PPP2R2A: variants seen among roughly 807,000 people sequenced by gnomAD.
The protein encoded by PPP2R2A is protein phosphatase 2 regulatory subunit Balpha.
A neutral mutation model predicts 53.2 loss-of-function variants in PPP2R2A; 9 were observed. The ratio of observed to expected loss-of-function variants is 0.17; its 90% CI spans 0.10 to 0.30. The LOEUF (loss-of-function observed/expected upper bound fraction) is 0.30, where lower values mean the gene tolerates loss of function less well. Among genes scored for constraint, PPP2R2A ranks in the 10% least tolerant of loss-of-function variants. The pLI is 1.00. For synonymous variants in PPP2R2A, 169 were observed against 174.2 expected (o/e 0.97, Z 0.23); for missense variants, 235 against 534.6 (o/e 0.44, Z 5.53).
chr8:26,314,889 C>CCG (rs1802468722), intron 2 of PPP2R2A, among the ~76,000 whole-genome samples: 2 of 2,054 alleles, frequency 9.7e-4, no homozygotes, highest in Non-Finnish European at 1.9e-3. Flanking sequence ...TTTTTCCCTT[C>CCG]CCCCCCCCCC....
At chr8:26,292,032 C>CG (rs1801319599) in intron 1 of PPP2R2A, 1 of 772,924 alleles carries the variant, frequency 1.3e-6, no homozygotes, top group Non-Finnish European at 1.5e-6. Context: ...GCTTGGAGAA[C>CG]GGGGCTGGCG....
intron 3 of PPP2R2A, among the ~76,000 whole-genome samples, chr8:26,346,219 C>T (rs904804090): frequency 3.9e-5 from 6 of 152,082 alleles, no homozygotes; most frequent in African/African-American, 1.4e-4. Context: ...CAGCTCACTG[C>T]AACTTCCACC....
chr8:26,342,573 G>T (rs1803997377), intron 3 of PPP2R2A, among the ~76,000 whole-genome samples: 2 of 152,176 alleles, frequency 1.3e-5, no homozygotes, highest in Admixed American at 6.5e-5. Context: ...CTGTAAGGTA[G>T]TGTGGGTGTG....
chr8:26,322,665 T>A (rs1426812784), intron 2 of PPP2R2A, among the ~76,000 whole-genome samples: 1 of 152,134 alleles, frequency 6.6e-6, no homozygotes, highest in Admixed American at 6.5e-5. Context: ...ACTTCAGCAT[T>A]GTTTAACTCT....
chr8:26,323,921 A>G (rs1001376343), intron 2 of PPP2R2A, among the ~76,000 whole-genome samples: 1 of 152,016 alleles, frequency 6.6e-6, no homozygotes, highest in African/African-American at 2.4e-5. Flanking sequence ...CATAGGAACC[A>G]TTTCTTCCTT....
At chr8:26,314,802 T>C (rs1227593709) in intron 2 of PPP2R2A, among the ~76,000 whole-genome samples, 5 of 151,936 alleles carry the variant, frequency 3.3e-5, no homozygotes, top group Non-Finnish European at 7.4e-5. Context: ...CATTTCCTTC[T>C]GTTTTTTCCT....
At chr8:26,330,317 T>C (rs1486363854) in intron 2 of PPP2R2A, among the ~76,000 whole-genome samples, 3 of 149,678 alleles carry the variant, frequency 2.0e-5, no homozygotes, top group Non-Finnish European at 3.0e-5. Context: ...CTTTTTTTTT[T>C]TTTTTTTTTT....
At chr8:26,293,252 C>T (rs913390969) in intron 1 of PPP2R2A, 2 of 1,535,662 alleles carry the variant, frequency 1.3e-6, no homozygotes, top group Admixed American at 2.0e-5. Flanking sequence ...CAGTAATGTT[C>T]CCGAAGTTTT....
intron 1 of PPP2R2A, chr8:26,293,449 C>T (rs1398276018): frequency 7.2e-6 from 5 of 695,850 alleles, no homozygotes; most frequent in Non-Finnish European, 1.2e-5. Context: ...AGAACATGTG[C>T]CTTTAAATAT....
chr8:26,337,704 A>C (rs781124045), intron 2 of PPP2R2A, among the ~76,000 whole-genome samples: 7 of 152,190 alleles, frequency 4.6e-5, no homozygotes, highest in Non-Finnish European at 7.3e-5. Flanking sequence ...CCTGGCGTTG[A>C]GTTGTTGTCC....
In PPP2R2A at chr8:26,354,142, C is replaced by T. The variant is rs566061998; in HGVS notation, c.181-326C>T. Among the ~76,000 whole-genome samples, 1 of 152,086 alleles carries T rather than the reference C, an allele frequency of 6.6e-6. No homozygotes were observed. The highest frequency in any genetic ancestry group is 1.9e-4 in the East Asian group (1 of 5,176). On this transcript the variant is annotated intron_variant, in intron 3 of 9. Coordinates refer to ENST00000380737, the MANE Select transcript of PPP2R2A (RefSeq NM_002717.4). The surrounding 1 kb of genome is among the most constrained non-coding windows in gnomAD (Gnocchi z 4.6). Reference sequence around the variant, plus strand: ...TAGATGAACTTCCTTATTATGGGTGCTCAGTTTTTTTTCATCAGTTTTTTT... The same window carrying T: ...TAGATGAACTTCCTTATTATGGGTGTTCAGTTTTTTTTCATCAGTTTTTTT...
At chr8:26,291,911 T>TCG (rs1801314336) in intron 1 of PPP2R2A, 85 bp downstream of exon 1, 2 of 1,368,850 alleles carry the variant, frequency 1.5e-6, no homozygotes, top group African/African-American at 3.0e-5. Context: ...CGCCCGCGCC[T>TCG]CGCGCAGAGC....
At chr8:26,297,778 ATTAC>A (rs1801608578) in intron 2 of PPP2R2A, among the ~76,000 whole-genome samples, 1 of 152,196 alleles carries the variant, frequency 6.6e-6, no homozygotes, top group African/African-American at 2.4e-5. Flanking sequence ...TTTAGATATT[ATTAC>A]TTGAACCTTC....
Position 26,360,369 on chromosome 8 carries a change from T to C in PPP2R2A, c.459+88T>C, listed in dbSNP as rs1805016280. 19 of 704,068 alleles carry C rather than the reference T, an allele frequency of 2.7e-5. No homozygotes were observed. In the South Asian group the frequency reaches 3.2e-4, roughly 12 times the overall value. The allele number at this position is 704,068 out of a possible 1,614,324, so 43.6% of individuals were successfully genotyped here. A position where few individuals can be genotyped will look rare whatever the true frequency, so the allele number is the denominator to read the frequency against. On this transcript the variant is annotated intron_variant, in intron 5 of 9. Coordinates refer to ENST00000380737, the MANE Select transcript of PPP2R2A (RefSeq NM_002717.4). This position sits in a 1 kb window ranked among gnomAD's most constrained non-coding sequence, Gnocchi z 4.5. Reference sequence around the variant, plus strand: ...CTGAGCAGAGCTTGAATAGGAATAATTACAGTCTATCTCCCCTTTCCCAGT... The same window carrying C: ...CTGAGCAGAGCTTGAATAGGAATAACTACAGTCTATCTCCCCTTTCCCAGT...
Position 26,338,922 on chromosome 8 carries a change from T to A in PPP2R2A, c.115T>A (p.Ser39Thr). The change falls in exon 3 of 10, where the codon TCT (serine) becomes ACT (threonine). Residue 39 changes from serine (S) to threonine (T), a missense_variant. Coordinates refer to ENST00000380737, the MANE Select transcript of PPP2R2A (RefSeq NM_002717.4). The surrounding 1 kb of genome is among the most constrained non-coding windows in gnomAD (Gnocchi z 4.5). ...AATTTCTACAGTAGAATTTAATCATTCTGGAGAATTACTAGCAACAGGAGA... is the reference window on the plus strand; with the variant it reads ...AATTTCTACAGTAGAATTTAATCATACTGGAGAATTACTAGCAACAGGAGA... ...DIISTVEFNH[S>T]GELLATGDKG... 1.2e-6 allele frequency: 2 copies of A among 1,603,350 alleles called. No individual in the cohort carries two copies. Among genetic ancestry groups the A allele is most frequent in the Non-Finnish European group, 1.7e-6 (2 of 1,170,636 alleles).
At chr8:26,295,050 C>T (rs1222051294) in intron 2 of PPP2R2A, among the ~76,000 whole-genome samples, 1 of 152,154 alleles carries the variant, frequency 6.6e-6, no homozygotes, top group South Asian at 2.1e-4. Flanking sequence ...CATGTTGTAA[C>T]TACATTACCT....
rs1329462357 is a variant in PPP2R2A, at chr8:26,362,627, T to C, written c.638-57T>C. 3 of 1,534,140 alleles carry C rather than the reference T, an allele frequency of 2.0e-6. No homozygotes were observed. Among genetic ancestry groups the C allele is most frequent in the Non-Finnish European group, 2.7e-6 (3 of 1,119,176 alleles). ...GAATGGGTTTTAGGTTTGAGAAATG[T>C]AGAATTATATTTGCCCTTTTTTCTA... On this transcript the variant is annotated intron_variant, in intron 6 of 9. Coordinates refer to ENST00000380737, the MANE Select transcript of PPP2R2A (RefSeq NM_002717.4). The surrounding 1 kb of genome is among the most constrained non-coding windows in gnomAD (Gnocchi z 4.4).
chr8:26,314,258 A>T (rs924603603), intron 2 of PPP2R2A, among the ~76,000 whole-genome samples: 3 of 152,166 alleles, frequency 2.0e-5, no homozygotes, highest in Non-Finnish European at 2.9e-5. Flanking sequence ...TAGTATATTG[A>T]AGCACATCAG....
chr8:26,307,458 TC>T (rs1296579709), intron 2 of PPP2R2A, among the ~76,000 whole-genome samples: 4 of 152,228 alleles, frequency 2.6e-5, no homozygotes, highest in Admixed American at 2.0e-4. Flanking sequence ...TAATGTGTGT[TC>T]TTAAGTGTTC....
Sources: gnomAD v4.1 joint callset for allele counts (sites outside exome capture counted in the v4.1 genomes callset) on GRCh38, gnomAD v4.1.1 for gene constraint, Gnocchi (gnomAD v3.1) non-coding constraint, MANE v1.5 for transcripts, NCBI Gene and HGNC (gene_info 2026-07-23, HGNC 2026-07-21) for gene names.